Variants in WDR70 observed in about 807,000 individuals in gnomAD.
The protein encoded by WDR70 is WD repeat-containing protein 70.
A neutral mutation model predicts 88.6 loss-of-function variants in WDR70; 53 were observed. The observed-to-expected ratio is 0.60, with a 90% CI of 0.48 to 0.75. The LOEUF is 0.75. WDR70 is among the 30% of genes least tolerant of loss of function. The probability of loss-of-function intolerance (pLI) is 0.00; values close to 1 mark genes in which losing one functional copy is unlikely to be tolerated. For missense variants in WDR70, 610 were observed against 823.2 expected, an observed-to-expected ratio of 0.74 and a Z score of 3.17; for synonymous variants, 280 against 270.0, an observed-to-expected ratio of 1.04 and a Z score of -0.36.
At chr5:37,589,799 G>T (rs1050816527) in intron 9 of WDR70, among the ~76,000 whole-genome samples, 9 of 151,932 alleles carry the variant, frequency 5.9e-5, no homozygotes, top group African/African-American at 1.9e-4. Context: ...ACAGGGTTTC[G>T]CCATGTTGCC....
At chr5:37,662,412 C>A (rs1444600028) in intron 10 of WDR70, among the ~76,000 whole-genome samples, 1 of 151,984 alleles carries the variant, frequency 6.6e-6, no homozygotes, top group Non-Finnish European at 1.5e-5. Context: ...TGTGTTCATC[C>A]CCAAAACACA....
intron 10 of WDR70, among the ~76,000 whole-genome samples, chr5:37,690,522 T>G (rs1746760700): frequency 6.6e-6 from 1 of 152,136 alleles, no homozygotes; most frequent in Admixed American, 6.5e-5. Context: ...CAGCAGAAAC[T>G]CTACAAGCCA....
chr5:37,393,214 G>A (rs1748900407), intron 4 of WDR70, among the ~76,000 whole-genome samples: 1 of 150,924 alleles, frequency 6.6e-6, no homozygotes, highest in South Asian at 2.1e-4. Context: ...GCTAATTTTT[G>A]TATTTTTAGT....
chr5:37,481,412 C>T lies in WDR70; in HGVS notation c.840+1425C>T, dbSNP rs575456552. ...CTTCTGAAATCTAGGCGGAGGTTCACGAACCTTAATTCTTGACTTCTGTGC... is the reference window on the plus strand; with the variant it reads ...CTTCTGAAATCTAGGCGGAGGTTCATGAACCTTAATTCTTGACTTCTGTGC... On this transcript the variant is annotated intron_variant, in intron 8 of 17. Transcript: ENST00000265107. 1.8e-4 allele frequency among the ~76,000 whole-genome samples: 27 copies of T among 152,262 alleles called. No individual in the cohort carries two copies. In the South Asian group the frequency reaches 4.6e-3, roughly 26 times the overall value.
chr5:37,615,598 T>C (rs1744316607), intron 10 of WDR70, among the ~76,000 whole-genome samples: 1 of 152,228 alleles, frequency 6.6e-6, no homozygotes. Flanking sequence ...TTTTAGTGAC[T>C]GCTCACCAAA....
intron 13 of WDR70, among the ~76,000 whole-genome samples, chr5:37,715,686 T>C (rs1156479341): frequency 6.6e-6 from 1 of 152,040 alleles, no homozygotes; most frequent in Non-Finnish European, 1.5e-5. Flanking sequence ...ACAGGACAAA[T>C]AGCCTGGAAA....
intron 5 of WDR70, among the ~76,000 whole-genome samples, chr5:37,418,468 C>T (rs185497198): frequency 0.032 from 4,806 of 151,678 alleles, 115 homozygotes; most frequent in Non-Finnish European, 0.048. Context: ...TACAGGCAAC[C>T]GCCACCACGC....
intron 8 of WDR70, among the ~76,000 whole-genome samples, chr5:37,491,800 C>A (rs1740074492): frequency 6.6e-6 from 1 of 151,888 alleles, no homozygotes; most frequent in Non-Finnish European, 1.5e-5. Flanking sequence ...TTTTCTTGAG[C>A]AAAAGAAAAC....
At chr5:37,520,198 T>A (rs1386090419) in intron 9 of WDR70, among the ~76,000 whole-genome samples, 1 of 152,206 alleles carries the variant, frequency 6.6e-6, no homozygotes, top group Non-Finnish European at 1.5e-5. Context: ...TTGTCTTTCA[T>A]CTTTCAACTT....
chr5:37,571,930 A>G (rs1188681527), intron 9 of WDR70, among the ~76,000 whole-genome samples: 1 of 152,110 alleles, frequency 6.6e-6, no homozygotes, highest in Non-Finnish European at 1.5e-5. Context: ...GCTGAGGGGT[A>G]TTAAGATCTG....
At position 37,516,725 on chromosome 5, in the gene WDR70, ATTTTT is replaced by A. The variant is rs71904509; in HGVS notation, c.917+145_917+149del. The A allele has an allele frequency of 1.3e-4, 17 of 128,060 alleles. No individual in the cohort carries two copies. The South Asian group carries it at 1.3e-3, about 10-fold the overall frequency. The allele number at this position is 128,060 out of a possible 1,614,324, so 7.9% of individuals were successfully genotyped here. ...TCTTATTATATACATATATATATAT[ATTTTT>A]TTTTTTTTTAAGGGGGAGTCTTGCT... On this transcript the variant is annotated intron_variant, in intron 9 of 17. Transcript: ENST00000265107.
chr5:37,438,974 G>A (rs1390626292), intron 6 of WDR70, among the ~76,000 whole-genome samples: 3 of 151,098 alleles, frequency 2.0e-5, no homozygotes, highest in Non-Finnish European at 2.9e-5. Context: ...CTGGAGTGCA[G>A]TGGTGTGATC....
chr5:37,679,837 G>C (rs1746368504), intron 10 of WDR70, among the ~76,000 whole-genome samples: 1 of 152,244 alleles, frequency 6.6e-6, no homozygotes, highest in African/African-American at 2.4e-5. Context: ...GCCCCCAGAG[G>C]TGGAGGCTGC....
chr5:37,420,605 ATT>A (rs1422225398), intron 5 of WDR70, among the ~76,000 whole-genome samples: 1 of 152,004 alleles, frequency 6.6e-6, no homozygotes, highest in Non-Finnish European at 1.5e-5. Context: ...ATGCCCAGCT[ATT>A]TTTTGTACAG....
At chr5:37,668,982 C>T (rs896184491) in intron 10 of WDR70, among the ~76,000 whole-genome samples, 2 of 152,178 alleles carry the variant, frequency 1.3e-5, no homozygotes, top group Non-Finnish European at 2.9e-5. Flanking sequence ...CTCTCTTTCT[C>T]ATTTGTGAGC....
chr5:37,515,257 G>T (rs79460624), intron 8 of WDR70, among the ~76,000 whole-genome samples: 14,246 of 151,202 alleles, frequency 0.094, 853 homozygotes, highest in South Asian at 0.2. Flanking sequence ...ATGGTTATGG[G>T]AATATTTAAG....
intron 5 of WDR70, among the ~76,000 whole-genome samples, chr5:37,415,812 A>G (rs1225101675): frequency 1.6e-5 from 2 of 128,662 alleles, no homozygotes; most frequent in South Asian, 2.8e-4. Context: ...CCGGGCAGAG[A>G]CGCTCCTCAC....
intron 13 of WDR70, among the ~76,000 whole-genome samples, chr5:37,708,565 A>G (rs1010342491): frequency 4.6e-5 from 7 of 152,268 alleles, no homozygotes; most frequent in African/African-American, 9.6e-5. Flanking sequence ...GTTCTTATTA[A>G]GAGAGAATAT....
chr5:37,570,532 A>G (rs890084734), intron 9 of WDR70, among the ~76,000 whole-genome samples: 5 of 152,090 alleles, frequency 3.3e-5, no homozygotes, highest in African/African-American at 1.2e-4. Flanking sequence ...CTTTTGAGAA[A>G]AGGACCCAAG....
Sources: gnomAD v4.1 joint callset for allele counts (sites outside exome capture counted in the v4.1 genomes callset) on GRCh38, gnomAD v4.1.1 for gene constraint, MANE v1.5 for transcripts, NCBI Gene and HGNC (gene_info 2026-07-23, HGNC 2026-07-21) for gene names.